Variants in WDR75 observed in about 807,000 individuals in gnomAD.
The protein encoded by WDR75 is WD repeat-containing protein 75.
In WDR75, 52 loss-of-function variants were observed where a neutral mutation model predicts 106.1. The observed-to-expected ratio is 0.49, with a 90% CI of 0.39 to 0.62. The LOEUF is 0.62. Ranked by LOEUF, WDR75 falls within the 20% of genes least tolerant of loss-of-function variation. The pLI, the probability that WDR75 is intolerant of heterozygous loss-of-function variation, is 0.00. For missense variants in WDR75, 905 were observed against 970.3 expected, an observed-to-expected ratio of 0.93 and a Z score of 0.89; for synonymous variants, 333 against 335.5, an observed-to-expected ratio of 0.99 and a Z score of 0.08.
Position 189,459,322 on chromosome 2 carries a change from T to A in WDR75, c.690-14T>A. ...ACCTATGGTCAAAATAAGAGTTTTA[T>A]CTTTCTCCAATAGGAGGAATTTTTA... On this transcript the variant is annotated splice_polypyrimidine_tract_variant and intron_variant, in intron 7 of 20. Transcript: ENST00000314761. 4 of 1,594,092 alleles carry A rather than the reference T, an allele frequency of 2.5e-6. No homozygotes were observed. The East Asian group carries it at 9.0e-5, about 36-fold the overall frequency.
intron 4 of WDR75, among the ~76,000 whole-genome samples, chr2:189,452,814 G>A (rs184367490): frequency 1.3e-4 from 20 of 152,262 alleles, no homozygotes; most frequent in Admixed American, 5.9e-4. Flanking sequence ...ATGCTATGGT[G>A]TCCTCCATAA....
In WDR75 at chr2:189,441,665, G is replaced by T; in HGVS notation, c.86+87G>T. The T allele has an allele frequency of 3.5e-6, 5 of 1,442,108 alleles. No homozygotes were observed. The East Asian group carries it at 1.2e-4, about 36-fold the overall frequency. The allele number at this position is 1,442,108 out of a possible 1,614,324, so 89.3% of individuals were successfully genotyped here. A position where few individuals can be genotyped will look rare whatever the true frequency, so the allele number is the denominator to read the frequency against. On this transcript the variant is annotated intron_variant, in intron 1 of 20. Coordinates refer to ENST00000314761, the MANE Select transcript of WDR75 (RefSeq NM_032168.3). ...GAGAAGGAATTGTCAGTCGCGTTCG[G>T]ACTCGCCCGCCTGGCGGATATCGGC...
chr2:189,464,994 GT>G lies in WDR75; in HGVS notation c.1114-83del, dbSNP rs150649933. 3.2e-3 allele frequency: 3,376 copies of G among 1,048,392 alleles called. 141 individuals carry two copies. In the East Asian group the frequency reaches 0.067, roughly 21 times the overall value. 64.9% of individuals were successfully genotyped at this position (1,048,392 alleles called of 1,614,324 possible). ...CAGTACAGAAGTTGTCTTGGATGTA[GT>G]TAATTATCATTTCTTGAATGCTGTA... On this transcript the variant is annotated intron_variant, in intron 11 of 20. Transcript: ENST00000314761.
intron 20 of WDR75, 64 bp downstream of exon 20, chr2:189,474,872 T>C: frequency 3.0e-6 from 4 of 1,342,350 alleles, no homozygotes; most frequent in Non-Finnish European, 4.2e-6. Context: ...TTTGTGTTTA[T>C]CCTTTTTTAG....
Position 189,466,423 on chromosome 2 carries a change from A to G in WDR75, c.1290-2A>G. ...ATAAATTTGTGGTTTCCTTCCCGCT[A>G]GGTTTATTCTTAACACTAAAATTAA... On this transcript the variant is annotated splice_acceptor_variant, in intron 12 of 20. Transcript: ENST00000314761. LOFTEE classifies it high-confidence loss of function. 6.2e-7 allele frequency: 1 copy of G among 1,611,232 alleles called. No homozygotes were observed. The highest frequency in any genetic ancestry group is 8.5e-7 in the Non-Finnish European group (1 of 1,178,608).
chr2:189,451,832 G>A lies in WDR75; in HGVS notation c.310G>A (p.Ala104Thr), dbSNP rs1405602541. The A allele has an allele frequency of 9.9e-6, 16 of 1,613,728 alleles. No individual in the cohort carries two copies. Among genetic ancestry groups the A allele is most frequent in the African/African-American group, 4.0e-5 (3 of 75,018 alleles). ...KTFIVGCKLH[A>T]LFTLAQAEDS... ...TTTCATAGTTGGATGTAAACTTCAT[G>A]CCCTCTTTACTCTTGCCCAAGCTGA... The change falls in exon 4 of 21, where the codon GCC becomes ACC. Residue 104 changes from alanine (A) to threonine (T), a missense_variant. Transcript: ENST00000314761.
At chr2:189,450,405 C>G (rs998744431) in intron 2 of WDR75, 1 of 954,762 alleles carries the variant, frequency 1.0e-6, no homozygotes, top group Non-Finnish European at 1.2e-6. Context: ...GTCTCCCAGG[C>G]TGGAGTACAG....
At chr2:189,472,811 T>C (rs1687142157) in intron 18 of WDR75, among the ~76,000 whole-genome samples, 1 of 152,222 alleles carries the variant, frequency 6.6e-6, no homozygotes, top group African/African-American at 2.4e-5. Context: ...TGTATAACTT[T>C]TGACTTCCCA....
intron 2 of WDR75, chr2:189,450,165 T>C (rs115292361): frequency 1.0e-6 from 1 of 970,786 alleles, no homozygotes; most frequent in African/African-American, 1.8e-5. Context: ...ATAATTTCTA[T>C]TGTATTTTAT....
chr2:189,453,463 A>T (rs1295302068), intron 4 of WDR75, among the ~76,000 whole-genome samples: 1 of 152,152 alleles, frequency 6.6e-6, no homozygotes, highest in East Asian at 1.9e-4. Context: ...CTAAACACTG[A>T]CTACACATAA....
chr2:189,472,255 G>A lies in WDR75; in HGVS notation c.2049+1377G>A, dbSNP rs115020070. ...AATTGTGGTGGGGTAGAGAATAGACGAAAAGATGGCATGCATGGGATGCAG... is the reference window on the plus strand; with the variant it reads ...AATTGTGGTGGGGTAGAGAATAGACAAAAAGATGGCATGCATGGGATGCAG... On this transcript the variant is annotated intron_variant, in intron 18 of 20. Coordinates refer to ENST00000314761, the MANE Select transcript of WDR75 (RefSeq NM_032168.3). Among the ~76,000 whole-genome samples the A allele has an allele frequency of 4.0e-3, 610 of 152,238 alleles. 7 individuals are homozygous for A. Among genetic ancestry groups the A allele is most frequent in the African/African-American group, 0.014 (570 of 41,542 alleles).
At chr2:189,455,512 C>T (rs749642009) in intron 5 of WDR75, 68 bp downstream of exon 5, 4 of 1,534,546 alleles carry the variant, frequency 2.6e-6, no homozygotes, top group Non-Finnish European at 3.5e-6. Flanking sequence ...CTCTTCTGAG[C>T]ATTTTATGTT....
chr2:189,465,830 G>A (rs1438527674), intron 12 of WDR75, among the ~76,000 whole-genome samples: 1 of 152,128 alleles, frequency 6.6e-6, no homozygotes, highest in Non-Finnish European at 1.5e-5. Context: ...CCTAGTCACT[G>A]TTGTTATAAC....
chr2:189,455,167 G>A (rs1411973892), intron 4 of WDR75, among the ~76,000 whole-genome samples, 153 bp from the exon 5 acceptor site: 1 of 151,956 alleles, frequency 6.6e-6, no homozygotes, highest in South Asian at 2.1e-4. Context: ...CTTGAACCTG[G>A]GAGGCAGAGG....
intron 2 of WDR75, chr2:189,449,460 G>A (rs10196675): frequency 0.043 from 48,174 of 1,130,352 alleles, 1,396 homozygotes; most frequent in African/African-American, 0.14. Context: ...TGTGTGTAGT[G>A]TTTGAATGTT....
At position 189,470,857 on chromosome 2, in the gene WDR75, A is replaced by T. The variant is rs1375532357; in HGVS notation, c.2028A>T (p.Lys676Asn). Residue 676 changes from lysine to asparagine, a missense_variant, in exon 18 of 21, where the codon AAA becomes AAT. Transcript: ENST00000314761. ...LTFSTKSPEE[K>N]LTPTSKQLLA... The stretch of plus-strand genomic sequence containing the variant: ...TCAGTACAAAGTCTCCAGAAGAAAA[A>T]CTCACACCAACAAGCAAACAGGTAT... 1.3e-6 allele frequency: 2 copies of T among 1,598,494 alleles called. No homozygotes were observed. The highest frequency in any genetic ancestry group is 3.5e-5 in the Admixed American group (2 of 56,522).
Position 189,475,331 on chromosome 2 carries a change from G to C in WDR75, c.2407G>C (p.Asp803His), listed in dbSNP as rs776429323. 1 of 1,612,570 alleles carries C rather than the reference G, an allele frequency of 6.2e-7. No individual in the cohort carries two copies. Among genetic ancestry groups the C allele is most frequent in the Middle Eastern group, 1.7e-4 (1 of 6,030 alleles). Residue 803 changes from aspartate to histidine, a missense_variant, in exon 21 of 21, where the codon GAC becomes CAC. Coordinates refer to ENST00000314761, the MANE Select transcript of WDR75 (RefSeq NM_032168.3). ...QDTSNTGLGE[D>H]IIHQLSKSEE... ...TACAAGTAACACAGGTTTAGGAGAA[G>C]ACATTATACATCAGTTGTCAAAATC... is the stretch of plus-strand genomic sequence containing the variant.
rs960208865 is a variant in WDR75, at chr2:189,457,521, A to T, written c.569+140A>T. 6.6e-6 allele frequency: 4 copies of T among 609,462 alleles called. No individual in the cohort carries two copies. The African/African-American group carries it at 7.5e-5, about 11-fold the overall frequency. 37.8% of individuals were successfully genotyped at this position (609,462 alleles called of 1,614,324 possible). ...GTAAGACTGTGAAGTATGGAGGTAC[A>T]GTTTTTAACCATACCGTATAGTTTT... On this transcript the variant is annotated intron_variant, in intron 6 of 20. Coordinates refer to ENST00000314761, the MANE Select transcript of WDR75 (RefSeq NM_032168.3).
rs779164510 is a variant in WDR75 at position 189,455,408 on chromosome 2, A to C, written c.462A>C (p.Ile154=). ...AKELSFVLDY[I]NQSPKCIAFG... ...AGCTGTCCTTTGTTTTGGATTACAT[A>C]AACCAGTCACCCAAGTGCATTGCCT... Residue 154 remains isoleucine (I), a synonymous_variant, in exon 5 of 21, where the codon ATA becomes ATC. Transcript: ENST00000314761. 1.2e-6 allele frequency: 2 copies of C among 1,614,002 alleles called. No homozygotes were observed. The highest frequency in any genetic ancestry group is 1.6e-4 in the Middle Eastern group (1 of 6,062).
Sources: allele counts gnomAD v4.1 joint callset (sites outside exome capture counted in the v4.1 genomes callset), GRCh38; gene constraint gnomAD v4.1.1; transcripts MANE v1.5; gene names NCBI Gene and HGNC (gene_info 2026-07-23, HGNC 2026-07-21).